The following FIGN variants were observed in gnomAD, a reference collection of about 807,000 sequenced individuals.
FIGN encodes fidgetin.
In FIGN, 11 loss-of-function variants were observed where a neutral mutation model predicts 51.3. The observed-to-expected ratio is 0.21, with a 90% confidence interval of 0.13 to 0.35. FIGN has a LOEUF of 0.35. Among genes scored for constraint, FIGN ranks in the 10% least tolerant of loss-of-function variants. The pLI is 1.00. For synonymous variants in FIGN, 407 were observed against 363.2 expected (o/e 1.12, Z -1.37); for missense variants, 857 against 943.6 (o/e 0.91, Z 1.20).
chr2:163,660,442 A>G (rs920740434), intron 2 of FIGN, among the ~76,000 whole-genome samples: 3 of 152,124 alleles, frequency 2.0e-5, no homozygotes, highest in African/African-American at 7.2e-5. Flanking sequence ...CAGCATAGAA[A>G]TATTTATGGA....
intron 2 of FIGN, among the ~76,000 whole-genome samples, chr2:163,679,340 C>A (rs1456729559): frequency 6.6e-6 from 1 of 151,908 alleles, no homozygotes. Flanking sequence ...AAAAAAAATA[C>A]AAAAAATTAG....
intron 2 of FIGN, among the ~76,000 whole-genome samples, chr2:163,654,787 G>A (rs113291735): frequency 5.9e-4 from 90 of 152,126 alleles, no homozygotes; most frequent in Middle Eastern, 3.4e-3. Context: ...GTGTATGCTC[G>A]TATCAAAATA....
intron 2 of FIGN, among the ~76,000 whole-genome samples, chr2:163,629,772 C>A (rs1321113534): frequency 1.3e-5 from 2 of 151,858 alleles, no homozygotes; most frequent in Non-Finnish European, 2.9e-5. Context: ...GCCAGGAAGT[C>A]TACCAATCCT....
chr2:163,689,833 G>A (rs555693608), intron 2 of FIGN, among the ~76,000 whole-genome samples: 2 of 151,942 alleles, frequency 1.3e-5, no homozygotes, highest in African/African-American at 2.4e-5. Context: ...TGGGAGTGTC[G>A]CAAACCCACA....
At chr2:163,664,615 A>G (rs1683744303) in intron 2 of FIGN, among the ~76,000 whole-genome samples, 2 of 152,336 alleles carry the variant, frequency 1.3e-5, no homozygotes, top group South Asian at 4.1e-4. Context: ...CTATATTTAA[A>G]CCAGCTCTAA....
intron 2 of FIGN, among the ~76,000 whole-genome samples, chr2:163,632,609 T>TG (rs1367043372): frequency 1.3e-5 from 2 of 152,096 alleles, no homozygotes; most frequent in Admixed American, 6.5e-5. Flanking sequence ...GCATGGAATG[T>TG]GGGGATAAAA....
chr2:163,628,472 T>C (rs1033364078), intron 2 of FIGN, among the ~76,000 whole-genome samples: 1 of 152,180 alleles, frequency 6.6e-6, no homozygotes, highest in Non-Finnish European at 1.5e-5. Context: ...TAGAGGTACA[T>C]ACGAAGCTTG....
intron 2 of FIGN, among the ~76,000 whole-genome samples, chr2:163,615,922 G>C (rs1270338123): frequency 6.6e-6 from 1 of 152,078 alleles, no homozygotes; most frequent in African/African-American, 2.4e-5. Context: ...ATTTCATCAT[G>C]CAACGTGTTT....
chr2:163,610,371 G>A lies in FIGN; in HGVS notation c.1461C>T (p.Asp487=). The A allele has an allele frequency of 6.2e-7, 1 of 1,614,162 alleles. No individual in the cohort carries two copies. Among genetic ancestry groups the A allele is most frequent in the Non-Finnish European group, 8.5e-7 (1 of 1,180,022 alleles). Residue 487 remains aspartate, a synonymous_variant, in exon 3 of 3, where the codon GAC becomes GAT. Coordinates refer to ENST00000333129, the MANE Select transcript of FIGN (RefSeq NM_018086.4). ...ITQGPPVDWN[D]IAGLDLVKAV... ...CCTTCACCAGGTCGAGACCAGCAAT[G>A]TCATTCCAGTCCACTGGAGGTCCTT...
chr2:163,733,562 A>C (rs1214449249), intron 2 of FIGN, among the ~76,000 whole-genome samples: 1 of 152,222 alleles, frequency 6.6e-6, no homozygotes, highest in Non-Finnish European at 1.5e-5. Context: ...CTCCGGGGGA[A>C]AAAAAGCTGT....
intron 2 of FIGN, among the ~76,000 whole-genome samples, chr2:163,663,704 G>A (rs1299238466): frequency 1.3e-5 from 2 of 151,554 alleles, no homozygotes; most frequent in Non-Finnish European, 2.9e-5. Context: ...CCAACATGGA[G>A]AAACCCCATC....
intron 2 of FIGN, among the ~76,000 whole-genome samples, chr2:163,666,230 T>C (rs947481998): frequency 6.6e-6 from 1 of 151,986 alleles, no homozygotes; most frequent in African/African-American, 2.4e-5. Flanking sequence ...TCACTAGGGG[T>C]GTCACCAACA....
chr2:163,666,452 A>T (rs951077931), intron 2 of FIGN, among the ~76,000 whole-genome samples: 8 of 152,178 alleles, frequency 5.3e-5, no homozygotes, highest in Non-Finnish European at 1.0e-4. Context: ...GGACCATTAC[A>T]TTGAGGGGTA....
intron 2 of FIGN, among the ~76,000 whole-genome samples, chr2:163,728,306 T>C (rs941995165): frequency 1.3e-5 from 2 of 151,912 alleles, no homozygotes; most frequent in Non-Finnish European, 2.9e-5. Context: ...GTGGCAGTAC[T>C]TGGCAACAGA....
rs188921715 is a variant in FIGN at position 163,688,625 on chromosome 2, A to G, written c.25+46278T>C. On this transcript the variant is annotated intron_variant, in intron 2 of 2. Transcript: ENST00000333129. ...GAGGAGTTTAAACTTCATGCAGTGA[A>G]TGTTGGGAGCTACAGAAGGCTTGTG... Among the ~76,000 whole-genome samples, 3 of 152,256 alleles carry G rather than the reference A, an allele frequency of 2.0e-5. 1 individual carries two copies. Among genetic ancestry groups the G allele is most frequent in the Admixed American group, 1.3e-4 (2 of 15,284 alleles).
chr2:163,654,244 T>C (rs1392390512), intron 2 of FIGN, among the ~76,000 whole-genome samples: 2 of 152,182 alleles, frequency 1.3e-5, no homozygotes, highest in South Asian at 2.1e-4. Flanking sequence ...TATGCAATAT[T>C]TAATATACTA....
intron 2 of FIGN, among the ~76,000 whole-genome samples, chr2:163,657,180 G>T (rs1011995656): frequency 1.3e-5 from 2 of 150,794 alleles, no homozygotes; most frequent in African/African-American, 2.4e-5. Context: ...ATGAAGGGAA[G>T]GACCAAAAAG....
intron 2 of FIGN, among the ~76,000 whole-genome samples, chr2:163,630,337 G>C (rs1683126246): frequency 6.6e-6 from 1 of 151,918 alleles, no homozygotes; most frequent in Non-Finnish European, 1.5e-5. Flanking sequence ...TTGTTTTCTG[G>C]ATCTCCTTTC....
Position 163,611,683 on chromosome 2 carries a change from T to C in FIGN, c.149A>G (p.Tyr50Cys), listed in dbSNP as rs1299465429. 4 of 1,614,218 alleles carry C rather than the reference T, an allele frequency of 2.5e-6. No homozygotes were observed. The highest frequency in any genetic ancestry group is 3.4e-6 in the Non-Finnish European group (4 of 1,180,024). The change falls in exon 3 of 3, where the codon TAT becomes TGT. Residue 50 changes from tyrosine to cysteine, a missense_variant. Coordinates refer to ENST00000333129, the MANE Select transcript of FIGN (RefSeq NM_018086.4). ...EAYRGHLQRT[Y>C]QYAWANDDIS... ...GTCATCATTCGCCCAGGCGTACTGATAGGTGCGCTGCAGATGACCTCTGTA... is the reference window on the plus strand; with the variant it reads ...GTCATCATTCGCCCAGGCGTACTGACAGGTGCGCTGCAGATGACCTCTGTA...
Sources: allele counts gnomAD v4.1 joint callset (sites outside exome capture counted in the v4.1 genomes callset), GRCh38; gene constraint gnomAD v4.1.1; transcripts MANE v1.5; gene names NCBI Gene and HGNC (gene_info 2026-07-23, HGNC 2026-07-21).